ANXA8: variants seen among roughly 807,000 people sequenced by gnomAD.
The protein encoded by ANXA8 is VAC-beta.
In ANXA8, 9 loss-of-function variants were observed where a neutral mutation model predicts 26.8. The observed-to-expected ratio is 0.34, with a 90% CI of 0.20 to 0.59. ANXA8 has a LOEUF of 0.59. ANXA8 is among the 20% of genes least tolerant of loss of function. The pLI is 0.84. For synonymous variants in ANXA8, 39 were observed against 94.8 expected (o/e 0.41, Z 3.42); for missense variants, 83 against 238.5 (o/e 0.35, Z 4.29).
the ANXA8 span, among the ~76,000 whole-genome samples, chr10:47,694,481 C>T: frequency 1.7e-4 from 24 of 140,416 alleles, no homozygotes; most frequent in Admixed American, 2.3e-4. Flanking sequence ...AGTGCAGTGG[C>T]GTGATCTCTG....
At chr10:47,733,199 T>TTCTTTCTTTCTCTCTCTCTCTCTCTC in the ANXA8 span, among the ~76,000 whole-genome samples, 2 of 112,476 alleles carry the variant, frequency 1.8e-5, no homozygotes, top group African/African-American at 3.2e-5. Flanking sequence ...CTTTCTTTCT[T>TTCTTTCTTTCTCTCTCTCTCTCTCTC]TCTTTCTTTC....
At chr10:47,976,520 C>A in the ANXA8 span, among the ~76,000 whole-genome samples, 1 of 146,458 alleles carries the variant, frequency 6.8e-6, no homozygotes, top group South Asian at 2.2e-4. Context: ...CCAGTCTGGA[C>A]AACACAGAGA....
chr10:47,570,985 A>T, the ANXA8 span, among the ~76,000 whole-genome samples: 4 of 150,860 alleles, frequency 2.7e-5, no homozygotes, highest in African/African-American at 4.9e-5. Context: ...CATCATTACG[A>T]GGAGCCTATT....
At chr10:47,958,853 A>T in the ANXA8 span, among the ~76,000 whole-genome samples, 2 of 149,936 alleles carry the variant, frequency 1.3e-5, no homozygotes, top group African/African-American at 5.0e-5. Context: ...ACTCACTATC[A>T]TGAGAACAGC....
the ANXA8 span, among the ~76,000 whole-genome samples, chr10:47,714,372 GA>G: frequency 6.8e-6 from 1 of 146,318 alleles, no homozygotes; most frequent in Non-Finnish European, 1.5e-5. Flanking sequence ...AAACTAAGGA[GA>G]TGAGCAGGTG....
chr10:47,983,341 G>A, the ANXA8 span, among the ~76,000 whole-genome samples: 1 of 106,968 alleles, frequency 9.3e-6, no homozygotes, highest in Non-Finnish European at 2.0e-5. Flanking sequence ...CAATCCAAAT[G>A]TCCGTCAACG....
At chr10:47,675,869 AT>A in the ANXA8 span, among the ~76,000 whole-genome samples, 22 of 151,920 alleles carry the variant, frequency 1.4e-4, 1 homozygote, top group African/African-American at 4.8e-4. Flanking sequence ...AAGGTTAACA[AT>A]ATGCTTGAAA....
At chr10:47,659,589 T>C in the ANXA8 span, among the ~76,000 whole-genome samples, 6 of 151,192 alleles carry the variant, frequency 4.0e-5, no homozygotes, top group East Asian at 3.9e-4. Context: ...GGCAGGAGAA[T>C]TGCTTGAACC....
the ANXA8 span, among the ~76,000 whole-genome samples, chr10:47,576,386 G>C: frequency 2.8e-5 from 4 of 141,238 alleles, no homozygotes; most frequent in Non-Finnish European, 6.4e-5. Context: ...TTTTTCCTCT[G>C]GTTGGTGTGC....
the ANXA8 span, among the ~76,000 whole-genome samples, chr10:47,598,730 G>A: frequency 6.7e-6 from 1 of 150,072 alleles, no homozygotes; most frequent in East Asian, 1.9e-4. Context: ...AACAGACACT[G>A]GGGACTCCAA....
the ANXA8 span, among the ~76,000 whole-genome samples, chr10:47,497,296 A>G: frequency 9.2e-6 from 1 of 108,534 alleles, no homozygotes; most frequent in Non-Finnish European, 1.8e-5. Context: ...TCCAGCCTGG[A>G]TAACAAGAGC....
the ANXA8 span, among the ~76,000 whole-genome samples, chr10:47,694,613 G>A: frequency 1.3e-5 from 2 of 151,452 alleles, no homozygotes; most frequent in Non-Finnish European, 2.9e-5. Flanking sequence ...TAGAGGCAGG[G>A]TTTCACCATA....
the ANXA8 span, among the ~76,000 whole-genome samples, chr10:47,983,945 TAGAA>T: frequency 2.2e-3 from 33 of 14,770 alleles, no homozygotes; most frequent in African/African-American, 4.8e-3. Flanking sequence ...TAATTAAAAA[TAGAA>T]AGAAGACTAG....
chr10:47,623,166 G>A, the ANXA8 span, among the ~76,000 whole-genome samples: 1 of 108,068 alleles, frequency 9.3e-6, no homozygotes, highest in East Asian at 2.2e-4. Context: ...ATGAATATAA[G>A]GAGATCTTTC....
chr10:47,969,606 C>G, the ANXA8 span, among the ~76,000 whole-genome samples: 3 of 146,562 alleles, frequency 2.0e-5, no homozygotes, highest in African/African-American at 7.4e-5. Flanking sequence ...GCAGGTGTGG[C>G]TTCACTCTGA....
At chr10:47,951,252 A>T in the ANXA8 span, among the ~76,000 whole-genome samples, 1 of 150,564 alleles carries the variant, frequency 6.6e-6, no homozygotes, top group Non-Finnish European at 1.5e-5. Flanking sequence ...AAAAATAGAT[A>T]ATCTGAATAG....
the ANXA8 span, among the ~76,000 whole-genome samples, chr10:47,639,322 T>A: frequency 1.7e-3 from 213 of 123,258 alleles, no homozygotes; most frequent in East Asian, 0.022. Flanking sequence ...TTATTTTTTT[T>A]TTTTTTTTGA....
At chr10:47,484,404 G>A (rs1321761770), upstream of ANXA8, 2 of 1,076,238 alleles carry the variant, frequency 1.9e-6, no homozygotes, top group Non-Finnish European at 2.7e-6. Context: ...ACTCCTAATA[G>A]CCATGGAGTA....
chr10:47,550,047 G>A, the ANXA8 span, among the ~76,000 whole-genome samples: 1 of 151,760 alleles, frequency 6.6e-6, no homozygotes, highest in East Asian at 1.9e-4. Context: ...AGCCTGGGAG[G>A]TTGAGGCTGC....
Sources: gnomAD v4.1 joint callset for allele counts (sites outside exome capture counted in the v4.1 genomes callset) on GRCh38, gnomAD v4.1.1 for gene constraint, MANE v1.5 for transcripts, NCBI Gene and HGNC (gene_info 2026-07-23, HGNC 2026-07-21) for gene names.